Variants in NRXN3 observed in about 807,000 individuals in gnomAD.
NRXN3 encodes the protein neurexin III.
Under a neutral mutation model 137.6 loss-of-function variants are expected in NRXN3, and 32 were observed. The observed-to-expected ratio is 0.23, with a 90% CI of 0.18 to 0.31. NRXN3 has a LOEUF of 0.31. Ranked by LOEUF, NRXN3 falls within the 10% of genes least tolerant of loss-of-function variation. The probability of loss-of-function intolerance (pLI) is 1.00; values close to 1 mark genes in which losing one functional copy is unlikely to be tolerated. For missense variants in NRXN3, 1,574 were observed against 2,062.5 expected (o/e 0.76, Z 4.59); for synonymous variants, 798 against 784.5 (o/e 1.02, Z -0.29).
intron 4 of NRXN3, among the ~76,000 whole-genome samples, chr14:78,499,048 G>A (rs980603531): frequency 1.3e-5 from 2 of 152,140 alleles, no homozygotes; most frequent in African/African-American, 4.8e-5. Context: ...TGGAAGTTGA[G>A]AGGATTAAAT....
At chr14:79,094,561 C>A (rs1467886536) in intron 15 of NRXN3, among the ~76,000 whole-genome samples, 1 of 152,116 alleles carries the variant, frequency 6.6e-6, no homozygotes, top group African/African-American at 2.4e-5. Context: ...GCAATTGTGA[C>A]TTCATCTAAA....
chr14:79,839,908 T>G (rs1339808042), intron 20 of NRXN3, among the ~76,000 whole-genome samples: 1 of 152,192 alleles, frequency 6.6e-6, no homozygotes, highest in Non-Finnish European at 1.5e-5. Flanking sequence ...TATTAGAAAC[T>G]GATAGAAAAC....
chr14:78,311,878 A>G (rs2078020493), intron 4 of NRXN3, among the ~76,000 whole-genome samples: 1 of 152,158 alleles, frequency 6.6e-6, no homozygotes, highest in Non-Finnish European at 1.5e-5. Context: ...AGAAGCATAT[A>G]ATTTCAGAGC....
At chr14:79,048,931 G>C (rs1568110935) in intron 15 of NRXN3, among the ~76,000 whole-genome samples, 1 of 145,688 alleles carries the variant, frequency 6.9e-6, no homozygotes, top group Non-Finnish European at 1.5e-5. Flanking sequence ...GCTGAGGCAG[G>C]AGAATGGCGT....
chr14:79,581,447 A>G (rs999930585), intron 16 of NRXN3, among the ~76,000 whole-genome samples: 1 of 152,210 alleles, frequency 6.6e-6, no homozygotes, highest in Non-Finnish European at 1.5e-5. Context: ...ATGAACTTCC[A>G]ACCAACACAT....
intron 6 of NRXN3, among the ~76,000 whole-genome samples, chr14:78,663,379 C>T (rs1244358977): frequency 2.0e-5 from 3 of 152,148 alleles, no homozygotes; most frequent in Non-Finnish European, 4.4e-5. Flanking sequence ...TTCACCTTGC[C>T]ATTGATTGTT....
intron 4 of NRXN3, among the ~76,000 whole-genome samples, chr14:78,621,114 A>G (rs533913198): frequency 6.6e-6 from 1 of 152,348 alleles, no homozygotes; most frequent in East Asian, 1.9e-4. Flanking sequence ...TCATTACAGG[A>G]CTAGGAAGAC....
chr14:79,470,871 T>A (rs1485901966), intron 16 of NRXN3, among the ~76,000 whole-genome samples: 1 of 150,684 alleles, frequency 6.6e-6, no homozygotes, highest in African/African-American at 2.5e-5. Context: ...TGTGTGTGTG[T>A]GTGAGAGAGA....
At chr14:78,734,879 C>T (rs1270309211) in intron 8 of NRXN3, among the ~76,000 whole-genome samples, 1 of 152,092 alleles carries the variant, frequency 6.6e-6, no homozygotes, top group African/African-American at 2.4e-5. Flanking sequence ...CATGTCATCA[C>T]CTACTGGTAG....
intron 10 of NRXN3, among the ~76,000 whole-genome samples, chr14:78,845,928 G>GTGTGTGTGTT (rs937764373): frequency 6.6e-6 from 1 of 151,668 alleles, no homozygotes; most frequent in African/African-American, 2.4e-5. Flanking sequence ...GTGTGTGTGT[G>GTGTGTGTGTT]TGTGTGTGTA....
At chr14:78,254,823 G>A (rs1239716387) in intron 2 of NRXN3, among the ~76,000 whole-genome samples, 1 of 152,114 alleles carries the variant, frequency 6.6e-6, no homozygotes, top group Non-Finnish European at 1.5e-5. Context: ...AGGCCTAGTA[G>A]TATTTTTTTT....
chr14:79,820,732 A>G (rs1262196776), intron 20 of NRXN3, among the ~76,000 whole-genome samples: 1 of 152,046 alleles, frequency 6.6e-6, no homozygotes, highest in African/African-American at 2.4e-5. Flanking sequence ...TTTAGCTCCA[A>G]CTTGTTGAGA....
At position 78,471,291 on chromosome 14, in the gene NRXN3, AACAC is replaced by A. The variant is rs553942003; in HGVS notation, c.757+173470_757+173473del. 4.1e-3 allele frequency among the ~76,000 whole-genome samples: 395 copies of A among 96,848 alleles called. 4 individuals carry two copies. Among genetic ancestry groups the A allele is most frequent in the East Asian group, 0.023 (88 of 3,906 alleles). 63.5% of individuals were successfully genotyped at this position (96,848 alleles called of 152,430 possible). A position where few individuals can be genotyped will look rare whatever the true frequency, so the allele number is the denominator to read the frequency against. ...TCCCTTTCTTCTCTTCAACACACTC[AACAC>A]ACACACACACACACACACACACACA... On this transcript the variant is annotated intron_variant, in intron 4 of 20. Coordinates refer to ENST00000335750, the MANE Select transcript of NRXN3 (RefSeq NM_001330195.2).
At chr14:79,073,040 C>T (rs2099690159) in intron 15 of NRXN3, among the ~76,000 whole-genome samples, 1 of 152,098 alleles carries the variant, frequency 6.6e-6, no homozygotes, top group African/African-American at 2.4e-5. Context: ...GTGCCCACCA[C>T]CACGCCTGGC....
At chr14:79,813,653 C>A (rs2293812) in intron 20 of NRXN3, among the ~76,000 whole-genome samples, 1 of 152,100 alleles carries the variant, frequency 6.6e-6, no homozygotes, top group East Asian at 1.9e-4. Flanking sequence ...CAAACCCCAA[C>A]GAAATCCAAG....
At chr14:79,124,650 C>G (rs1489605330) in intron 15 of NRXN3, among the ~76,000 whole-genome samples, 1 of 152,126 alleles carries the variant, frequency 6.6e-6, no homozygotes, top group East Asian at 1.9e-4. Flanking sequence ...AGTGGGACTT[C>G]CCCAGGCAAA....
chr14:78,477,404 TTAATG>T (rs1259703191), intron 4 of NRXN3, among the ~76,000 whole-genome samples: 5 of 152,228 alleles, frequency 3.3e-5, no homozygotes, highest in Non-Finnish European at 5.9e-5. Flanking sequence ...ATGCAAATCT[TTAATG>T]TAAGTTTACT....
At position 79,498,699 on chromosome 14, in the gene NRXN3, A is replaced by G. The variant is rs550307642; in HGVS notation, c.3444+31297A>G. Among the ~76,000 whole-genome samples the G allele has an allele frequency of 2.6e-5, 4 of 152,316 alleles. No individual in the cohort carries two copies. The East Asian group carries it at 7.7e-4, about 29-fold the overall frequency. ...ACTCAATACCATGCTCCTCACTTCC[A>G]TCTCTACTACTCGAAGCCACTCGAG... On this transcript the variant is annotated intron_variant, in intron 16 of 20. Coordinates refer to ENST00000335750, the MANE Select transcript of NRXN3 (RefSeq NM_001330195.2).
At chr14:79,068,048 A>G (rs974995191) in intron 15 of NRXN3, among the ~76,000 whole-genome samples, 1 of 151,972 alleles carries the variant, frequency 6.6e-6, no homozygotes, top group African/African-American at 2.4e-5. Context: ...CTTTCTAGAT[A>G]TATTTTTTCC....
Sources: allele counts gnomAD v4.1 joint callset (sites outside exome capture counted in the v4.1 genomes callset), GRCh38; gene constraint gnomAD v4.1.1; transcripts MANE v1.5; gene names NCBI Gene and HGNC (gene_info 2026-07-23, HGNC 2026-07-21).